The following CDON variants were observed in gnomAD, a reference collection of about 807,000 sequenced individuals.
CDON encodes the protein cell adhesion associated, oncogene regulated.
Under a neutral mutation model 120.9 loss-of-function variants are expected in CDON, and 73 were observed. That is an observed-to-expected ratio of 0.60 (90% CI 0.50 to 0.73). CDON has a LOEUF of 0.73. CDON is among the 30% of genes least tolerant of loss of function. The pLI is 0.00. For missense variants in CDON, 1,470 were observed against 1,587.3 expected (o/e 0.93, Z 1.26); for synonymous variants, 566 against 573.5 (o/e 0.99, Z 0.19).
At chr11:125,997,462 A>G in intron 11 of CDON, 52 bp from the exon 12 acceptor site, 1 of 1,313,550 alleles carries the variant, frequency 7.6e-7, no homozygotes, top group South Asian at 1.2e-5. Context: ...AGACAAGAAT[A>G]ACATAGTTAA....
At position 125,989,824 on chromosome 11, in the gene CDON, T is replaced by C. The variant is rs995224806; in HGVS notation, c.2651-65A>G. On this transcript the variant is annotated intron_variant, in intron 14 of 19. Transcript: ENST00000531738. Reference sequence around the variant, plus strand: ...TAAATGATAATGTCAATATAATTAGTTAATGTTTTCAGGATGAGGCTGGAG... The same window carrying C: ...TAAATGATAATGTCAATATAATTAGCTAATGTTTTCAGGATGAGGCTGGAG... The C allele has an allele frequency of 2.5e-5, 37 of 1,487,376 alleles. No individual in the cohort carries two copies. In the African/African-American group the frequency reaches 4.0e-4, roughly 16 times the overall value. The allele number at this position is 1,487,376 out of a possible 1,614,324, so 92.1% of individuals were successfully genotyped here.
Position 126,054,282 on chromosome 11 carries a change from T to C in CDON, c.-62+8297A>G, listed in dbSNP as rs549811614. ...TATACCCAGGAGAACCCCTGCAAAATACAAAAAGACAAAACATGACATCAG... is the reference window on the plus strand; with the variant it reads ...TATACCCAGGAGAACCCCTGCAAAACACAAAAAGACAAAACATGACATCAG... On this transcript the variant is annotated intron_variant, in intron 1 of 19. Transcript: ENST00000531738. Among the ~76,000 whole-genome samples the C allele has an allele frequency of 6.6e-4, 101 of 152,190 alleles. 2 individuals are homozygous for C. Among genetic ancestry groups the C allele is most frequent in the Middle Eastern group, 3.4e-3 (1 of 294 alleles).
intron 1 of CDON, among the ~76,000 whole-genome samples, chr11:126,043,650 GGT>G (rs1474127140): frequency 3.9e-5 from 6 of 152,148 alleles, no homozygotes; most frequent in Non-Finnish European, 7.3e-5. Context: ...ATAAAGACAG[GGT>G]GAGGTTTGCA....
intron 1 of CDON, among the ~76,000 whole-genome samples, chr11:126,040,551 C>G (rs1337629469): frequency 6.6e-6 from 1 of 152,178 alleles, no homozygotes; most frequent in Admixed American, 6.5e-5. Context: ...CGCGGTGGCT[C>G]ACGCCTATAA....
intron 8 of CDON, among the ~76,000 whole-genome samples, chr11:126,006,817 A>T (rs553519611): frequency 1.3e-5 from 2 of 152,340 alleles, no homozygotes; most frequent in South Asian, 2.1e-4. Context: ...TAGGTTGCAT[A>T]CAGTCAAAGA....
chr11:125,961,597 C>G, intron 19 of CDON, 127 bp downstream of exon 19: 1 of 1,303,034 alleles, frequency 7.7e-7, no homozygotes, highest in African/African-American at 1.5e-5. Context: ...CAGCACCCCA[C>G]CCAGTCTCCC....
chr11:125,990,252 G>C (rs1033756325), intron 14 of CDON, among the ~76,000 whole-genome samples: 1 of 152,124 alleles, frequency 6.6e-6, no homozygotes, highest in Admixed American at 6.5e-5. Flanking sequence ...TGGATGCAAC[G>C]TGAACTGACA....
At chr11:126,028,392 A>ATCT (rs1304218010) in intron 1 of CDON, among the ~76,000 whole-genome samples, 21 of 151,792 alleles carry the variant, frequency 1.4e-4, no homozygotes, top group African/African-American at 5.1e-4. Context: ...TTGAGATGGA[A>ATCT]TCTTGCTGTC....
At chr11:126,011,566 G>C (rs1326371907) in intron 7 of CDON, among the ~76,000 whole-genome samples, 1 of 151,980 alleles carries the variant, frequency 6.6e-6, no homozygotes, top group Non-Finnish European at 1.5e-5. Flanking sequence ...TTTTTCTATT[G>C]GGTCATGAAT....
rs1565501813 is a variant in CDON, at chr11:125,981,963, C to CTTTTTTTTTTTTTTTT, written c.2996-635_2996-634insAAAAAAAAAAAAAAAA. Among the ~76,000 whole-genome samples the CTTTTTTTTTTTTTTTT allele has an allele frequency of 4.1e-4, 14 of 34,152 alleles. 4 individuals are homozygous for CTTTTTTTTTTTTTTTT. The highest frequency in any genetic ancestry group is 2.2e-3 in the Admixed American group (6 of 2,786). 22.4% of individuals were successfully genotyped at this position (34,152 alleles called of 152,430 possible). A position where few individuals can be genotyped will look rare whatever the true frequency, so the allele number is the denominator to read the frequency against. ...GGAGTACCAAAGGCAAAAAGTGATT[C>CTTTTTTTTTTTTTTTT]TATTTTCTTTTTTTTTTTTTTTTTT... On this transcript the variant is annotated intron_variant, in intron 16 of 19. Coordinates refer to ENST00000531738, the MANE Select transcript of CDON (RefSeq NM_001378964.1).
rs1736412285 is a variant in CDON, at chr11:126,059,328, A to C, written c.-62+3251T>G. 3.3e-5 allele frequency among the ~76,000 whole-genome samples: 5 copies of C among 152,360 alleles called. No individual in the cohort carries two copies. The South Asian group carries it at 1.0e-3, about 32-fold the overall frequency. On this transcript the variant is annotated intron_variant, in intron 1 of 19. Coordinates refer to ENST00000531738, the MANE Select transcript of CDON (RefSeq NM_001378964.1). ...GAGTTCACTTCAGTGCTGAAAACAC[A>C]TCACTGTAGTCCTGCTTGTAATAAA...
intron 1 of CDON, among the ~76,000 whole-genome samples, chr11:126,026,150 A>T (rs576569274): frequency 6.6e-6 from 1 of 152,364 alleles, no homozygotes; most frequent in African/African-American, 2.4e-5. Context: ...TACCTTAAGG[A>T]CTAGTGTTTA....
intron 17 of CDON, 142 bp downstream of exon 17, chr11:125,980,907 G>C (rs561367324): frequency 1.3e-6 from 1 of 769,476 alleles, no homozygotes; most frequent in African/African-American, 1.7e-5. Context: ...CTGGATCAAA[G>C]GGCTGCCAGT....
At chr11:125,970,648 C>T (rs1036715649) in intron 18 of CDON, among the ~76,000 whole-genome samples, 11 of 152,186 alleles carry the variant, frequency 7.2e-5, no homozygotes, top group South Asian at 6.2e-4. Flanking sequence ...TTGGATGCTG[C>T]GATGACCGCA....
intron 11 of CDON, among the ~76,000 whole-genome samples, chr11:126,000,742 C>T (rs1178408297): frequency 6.6e-6 from 1 of 152,134 alleles, no homozygotes; most frequent in East Asian, 1.9e-4. Context: ...ATTGAAGATA[C>T]AGAGGTGCTT....
chr11:125,973,722 C>T (rs755814121), intron 18 of CDON, among the ~76,000 whole-genome samples: 20 of 152,178 alleles, frequency 1.3e-4, no homozygotes, highest in Non-Finnish European at 2.9e-4. Context: ...TATAAATGGT[C>T]CCCTTTGCCT....
intron 6 of CDON, among the ~76,000 whole-genome samples, chr11:126,016,462 T>A (rs180990510): frequency 3.0e-4 from 45 of 152,326 alleles, no homozygotes; most frequent in African/African-American, 1.1e-3. Flanking sequence ...AGACAGGGTC[T>A]GGCTCTGTCG....
chr11:125,984,617 A>AAGCCGGG (rs1174061165), intron 15 of CDON, among the ~76,000 whole-genome samples: 2 of 151,738 alleles, frequency 1.3e-5, no homozygotes, highest in Non-Finnish European at 2.9e-5. Context: ...GAATTGCTTG[A>AAGCCGGG]AGCCGGGAGA....
At chr11:126,028,814 T>C (rs1405862170) in intron 1 of CDON, among the ~76,000 whole-genome samples, 1 of 151,314 alleles carries the variant, frequency 6.6e-6, no homozygotes, top group Non-Finnish European at 1.5e-5. Context: ...TATATATGTG[T>C]ATATGTATGT....
Sources: allele counts gnomAD v4.1 joint callset (sites outside exome capture counted in the v4.1 genomes callset), GRCh38; gene constraint gnomAD v4.1.1; transcripts MANE v1.5; gene names NCBI Gene and HGNC (gene_info 2026-07-23, HGNC 2026-07-21).